Variants in DNAJB6 observed in about 807,000 individuals in gnomAD.
DNAJB6 encodes the protein dnaJ homolog subfamily B member 6.
DNAJB6 carries 16 observed loss-of-function variants against 42.7 expected under a neutral mutation model. The observed-to-expected ratio is 0.37, with a 90% CI of 0.25 to 0.57. The LOEUF is 0.57. Among genes scored for constraint, DNAJB6 ranks in the 20% least tolerant of loss-of-function variants. DNAJB6 has a pLI of 0.74. For synonymous variants in DNAJB6, 170 were observed against 163.5 expected, an observed-to-expected ratio of 1.04 and a Z score of -0.30; for missense variants, 347 against 416.8, an observed-to-expected ratio of 0.83 and a Z score of 1.46.
intron 2 of DNAJB6, among the ~76,000 whole-genome samples, chr7:157,362,137 C>T (rs191386529): frequency 2.5e-3 from 383 of 152,194 alleles, no homozygotes; most frequent in African/African-American, 8.7e-3. Flanking sequence ...TGACCTTGGT[C>T]ATAGAATCTT....
intron 1 of DNAJB6, among the ~76,000 whole-genome samples, chr7:157,344,169 T>C (rs1188265552): frequency 6.6e-6 from 1 of 152,104 alleles, no homozygotes; most frequent in Non-Finnish European, 1.5e-5. Flanking sequence ...TGAAACCCCA[T>C]CTCTACTAAA....
In DNAJB6 at chr7:157,409,927, G is replaced by C. The variant is rs1563154005; in HGVS notation, c.824G>C (p.Cys275Ser). 2 of 1,536,408 alleles carry C rather than the reference G, an allele frequency of 1.3e-6. No individual in the cohort carries two copies. Among genetic ancestry groups the C allele is most frequent in the Admixed American group, 2.0e-5 (1 of 51,014 alleles). Residue 275 changes from cysteine (C) to serine (S), a missense_variant, in exon 9 of 10, where the codon TGT becomes TCT. Physicochemically the swap from Cys to Ser is moderately radical, Grantham distance 112. Transcript: ENST00000262177. ...TCGCTGCTGAGACACGCGCCTCACT[G>C]TCTCTCTGAGGAGGAGGGCGAGCAG... is the stretch of plus-strand genomic sequence containing the variant. Reference protein sequence around the residue: ...PASLLRHAPHCLSEEEGEQDR... With the variant: ...PASLLRHAPHSLSEEEGEQDR...
At chr7:157,387,816 C>T (rs1801147005) in intron 8 of DNAJB6, among the ~76,000 whole-genome samples, 2 of 151,906 alleles carry the variant, frequency 1.3e-5, no homozygotes, top group South Asian at 2.1e-4. Context: ...TTCATTTGTA[C>T]TTGGGAAAAC....
intron 5 of DNAJB6, 94 bp from the exon 6 acceptor site, chr7:157,382,152 G>A: frequency 2.9e-6 from 4 of 1,390,438 alleles, no homozygotes; most frequent in Non-Finnish European, 1.9e-6. Context: ...TCCTGAATAT[G>A]TTACAAACAT....
chr7:157,354,696 A>T (rs542380635), intron 1 of DNAJB6, among the ~76,000 whole-genome samples: 2 of 152,256 alleles, frequency 1.3e-5, no homozygotes, highest in East Asian at 3.9e-4. Flanking sequence ...ATGAAATTAG[A>T]GGCTGCTGTA....
chr7:157,410,976 C>T (rs1226962375), intron 9 of DNAJB6: 2 of 151,744 alleles, frequency 1.3e-5, no homozygotes, highest in Admixed American at 6.5e-5. Flanking sequence ...GGAAGGTGCA[C>T]CCCCAGCCGT....
chr7:157,406,406 C>G (rs1046212591), intron 8 of DNAJB6, among the ~76,000 whole-genome samples: 1 of 152,232 alleles, frequency 6.6e-6, no homozygotes, highest in African/African-American at 2.4e-5. Flanking sequence ...GGCCTGGGGA[C>G]ACAGGACTGT....
At position 157,409,747 on chromosome 7, in the gene DNAJB6, G is replaced by A. The variant is rs1368782483; in HGVS notation, c.692-48G>A. On this transcript the variant is annotated intron_variant, in intron 8 of 9. Transcript: ENST00000262177. ...CCTCCCTCTGCTCTGGATGGGGGCC[G>A]GCCGCCGCCGCTCACTCACGGCTCT... 8 of 1,477,806 alleles carry A rather than the reference G, an allele frequency of 5.4e-6. No individual in the cohort carries two copies. In the East Asian group the frequency reaches 2.0e-4, roughly 37 times the overall value. The allele number at this position is 1,477,806 out of a possible 1,614,324, so 91.5% of individuals were successfully genotyped here. A position where few individuals can be genotyped will look rare whatever the true frequency, so the allele number is the denominator to read the frequency against.
chr7:157,409,819 CTGA>C lies in DNAJB6; in HGVS notation c.717_719del (p.Glu241del). ...GGTGTGGCCGACGACGATGCCCTCG[CTGA>C]GGAGCGCATGCGGAGAGGCCAGAAC... On this transcript the variant is annotated inframe_deletion, in exon 9 of 10. Transcript: ENST00000262177. 3.3e-6 allele frequency: 5 copies of C among 1,531,858 alleles called. No homozygotes were observed. The South Asian group carries it at 6.0e-5, about 18-fold the overall frequency. 94.9% of individuals were successfully genotyped at this position (1,531,858 alleles called of 1,614,324 possible).
Position 157,371,970 on chromosome 7 carries a change from T to C in DNAJB6, c.346+4487T>C, listed in dbSNP as rs186155191. 4.7e-4 allele frequency among the ~76,000 whole-genome samples: 72 copies of C among 152,326 alleles called. 1 individual carries two copies. The highest frequency in any genetic ancestry group is 9.2e-4 in the Admixed American group (14 of 15,300). ...TTAGCAGTGCAGCAAGTTTTTCCTT[T>C]GTAAAGCATCACTGTGGTACGAATG... is the stretch of plus-strand genomic sequence containing the variant. On this transcript the variant is annotated intron_variant, in intron 5 of 9. Coordinates refer to ENST00000262177, the MANE Select transcript of DNAJB6 (RefSeq NM_058246.4).
chr7:157,368,047 T>C (rs1345768463), intron 5 of DNAJB6, among the ~76,000 whole-genome samples: 2 of 152,108 alleles, frequency 1.3e-5, no homozygotes, highest in Admixed American at 1.3e-4. Flanking sequence ...GAGGATTTCC[T>C]TGAGCCTGGG....
At chr7:157,384,107 A>C (rs566004408) in intron 6 of DNAJB6, among the ~76,000 whole-genome samples, 2 of 152,316 alleles carry the variant, frequency 1.3e-5, no homozygotes, top group East Asian at 1.9e-4. Context: ...GAAACAGGAC[A>C]AAAGCTCTAA....
At position 157,409,923 on chromosome 7, in the gene DNAJB6, C is replaced by T; in HGVS notation, c.820C>T (p.His274Tyr). Residue 274 changes from histidine (H) to tyrosine (Y), a missense_variant, in exon 9 of 10, where the codon CAC becomes TAC. Physicochemically the swap from His to Tyr is moderately conservative, Grantham distance 83 (BLOSUM62 2). This residue lies in a region of DNAJB6 where 264 missense variants were observed against 288.0 expected (regional missense o/e 0.92). Coordinates refer to ENST00000262177, the MANE Select transcript of DNAJB6 (RefSeq NM_058246.4). ...RPASLLRHAP[H>Y]CLSEEEGEQD... ...TGCCTCGCTGCTGAGACACGCGCCT[C>T]ACTGTCTCTCTGAGGAGGAGGGCGA... 1 of 1,536,120 alleles carries T rather than the reference C, an allele frequency of 6.5e-7. No homozygotes were observed. Among genetic ancestry groups the T allele is most frequent in the Non-Finnish European group, 8.7e-7 (1 of 1,146,002 alleles).
intron 8 of DNAJB6, among the ~76,000 whole-genome samples, chr7:157,408,820 G>C (rs1483809150): frequency 6.6e-6 from 1 of 152,256 alleles, no homozygotes; most frequent in Non-Finnish European, 1.5e-5. Context: ...GGGGAAGCGA[G>C]GAGGATGGGG....
At chr7:157,396,380 G>GTT (rs533799743) in intron 8 of DNAJB6, among the ~76,000 whole-genome samples, 30 of 152,324 alleles carry the variant, frequency 2.0e-4, no homozygotes, top group Non-Finnish European at 3.8e-4. Flanking sequence ...CTAGGGTTCC[G>GTT]TTTATAAAGA....
chr7:157,389,337 T>C (rs1284410930), intron 8 of DNAJB6, among the ~76,000 whole-genome samples: 1 of 152,244 alleles, frequency 6.6e-6, no homozygotes. Flanking sequence ...TGGCATATTA[T>C]CTCTGTTATT....
At chr7:157,380,214 A>G (rs1313853141) in intron 5 of DNAJB6, 1 of 152,120 alleles carries the variant, frequency 6.6e-6, no homozygotes, top group South Asian at 2.1e-4. Context: ...ACCTGGGAGG[A>G]TATGTTGTAG....
At chr7:157,408,953 C>T (rs753562008) in intron 8 of DNAJB6, among the ~76,000 whole-genome samples, 4 of 152,212 alleles carry the variant, frequency 2.6e-5, no homozygotes, top group Non-Finnish European at 1.5e-5. Context: ...TTAGAGTTTG[C>T]GGAGGGACGA....
At chr7:157,342,019 A>C (rs1007966274) in intron 1 of DNAJB6, among the ~76,000 whole-genome samples, 1 of 152,096 alleles carries the variant, frequency 6.6e-6, no homozygotes. Flanking sequence ...GGCGTTCGCC[A>C]CTACACCTGG....
Sources: gnomAD v4.1 joint callset for allele counts (sites outside exome capture counted in the v4.1 genomes callset) on GRCh38, gnomAD v4.1.1 for gene constraint, gnomAD v4.1.1 regional missense constraint, MANE v1.5 for transcripts, NCBI Gene and HGNC (gene_info 2026-07-23, HGNC 2026-07-21) for gene names.